RAB3GAP2: variants seen among roughly 807,000 people sequenced by gnomAD.
RAB3GAP2 encodes the protein RAB3 GTPase activating non-catalytic protein subunit 2, also known as rab3 GTPase-activating protein non-catalytic subunit.
Under a neutral mutation model 185.3 loss-of-function variants are expected in RAB3GAP2, and 87 were observed. That is an observed-to-expected ratio of 0.47 (90% CI 0.39 to 0.56). The LOEUF (loss-of-function observed/expected upper bound fraction) is 0.56. RAB3GAP2 is among the 20% of genes least tolerant of loss of function. The pLI is 0.00. For missense variants in RAB3GAP2, 1,492 were observed against 1,638.2 expected, an observed-to-expected ratio of 0.91 and a Z score of 1.54; for synonymous variants, 554 against 576.1, an observed-to-expected ratio of 0.96 and a Z score of 0.55.
intron 1 of RAB3GAP2, chr1:220,271,345 AAAAATAAAATAAAATAAAAT>A (rs145194826): frequency 6.6e-6 from 1 of 150,884 alleles, no homozygotes; most frequent in Admixed American, 6.6e-5. Flanking sequence ...TTGGAAATGC[AAAAATAAAATAAAATAAAAT>A]AAAATAAAAT....
rs1657692207 is a variant in RAB3GAP2, at chr1:220,149,184, A to AAAT, written c.*2064_*2066dup. 6.6e-6 allele frequency: 1 copy of AAAT among 152,160 alleles called. No homozygotes were observed. Among genetic ancestry groups the AAAT allele is most frequent in the Non-Finnish European group, 1.5e-5 (1 of 68,026 alleles). 9.4% of individuals were successfully genotyped at this position (152,160 alleles called of 1,614,324 possible). On this transcript the variant is annotated 3_prime_UTR_variant, in exon 35 of 35. Transcript: ENST00000358951. Reference sequence around the variant, plus strand: ...TTTTAAAAGCCCTTGATAAGTAGTAAAATATTTAACTGCTTTTCTTAACCA... The same window carrying AAAT: ...TTTTAAAAGCCCTTGATAAGTAGTAAAATAATATTTAACTGCTTTTCTTAACCA...
At chr1:220,168,237 C>T (rs1054778295) in intron 24 of RAB3GAP2, among the ~76,000 whole-genome samples, 3 of 151,938 alleles carry the variant, frequency 2.0e-5, no homozygotes, top group East Asian at 1.9e-4. Context: ...AGATTACAGG[C>T]GCCCACCACA....
chr1:220,252,184 A>G (rs1659946797), intron 1 of RAB3GAP2, among the ~76,000 whole-genome samples: 1 of 151,228 alleles, frequency 6.6e-6, no homozygotes, highest in Admixed American at 6.6e-5. Flanking sequence ...AAAATGAAGA[A>G]AAAAAACAAG....
intron 32 of RAB3GAP2, 56 bp downstream of exon 32, chr1:220,153,912 T>C (rs1443125429): frequency 2.1e-5 from 33 of 1,605,870 alleles, no homozygotes; most frequent in Non-Finnish European, 2.7e-5. Context: ...GCTAGATTTT[T>C]CCCTTATGTT....
intron 1 of RAB3GAP2, among the ~76,000 whole-genome samples, chr1:220,270,339 A>G (rs1255703102): frequency 2.0e-5 from 3 of 152,168 alleles, no homozygotes; most frequent in African/African-American, 4.8e-5. Context: ...AATCCTTGAG[A>G]CTGAACTGAC....
At chr1:220,153,433 A>T in intron 32 of RAB3GAP2, 27 bp from the exon 33 acceptor site, 1 of 1,580,194 alleles carries the variant, frequency 6.3e-7, no homozygotes, top group South Asian at 1.1e-5. Flanking sequence ...GAGATAGAGC[A>T]ATGCATTGTT....
Position 220,196,301 on chromosome 1 carries a change from C to A in RAB3GAP2, c.909G>T (p.Gln303His), listed in dbSNP as rs766462154. The change falls in exon 10 of 35, where the codon CAG becomes CAT. Residue 303 changes from glutamine (Q) to histidine (H), a missense_variant. Around this residue, in one of 5 missense-constraint regions of RAB3GAP2, gnomAD observed 243 missense variants for 314.8 expected, o/e 0.77. Coordinates refer to ENST00000358951, the MANE Select transcript of RAB3GAP2 (RefSeq NM_012414.4). The stretch of plus-strand genomic sequence containing the variant: ...ATGGATTGGACCCTACAGTGATATA[C>A]TGAGACATGGCAGGTGGACTATTTT... ...AIKNSPPAMS[Q>H]YITVGSNPFT... 1 of 1,612,794 alleles carries A rather than the reference C, an allele frequency of 6.2e-7. No individual in the cohort carries two copies. Among genetic ancestry groups the A allele is most frequent in the Non-Finnish European group, 8.5e-7 (1 of 1,178,976 alleles).
chr1:220,193,514 AGTT>A, intron 12 of RAB3GAP2, 135 bp from the exon 13 acceptor site: 1 of 856,358 alleles, frequency 1.2e-6, no homozygotes, highest in Non-Finnish European at 1.8e-6. Context: ...CTGGATTAAT[AGTT>A]AATTTATTAA....
intron 1 of RAB3GAP2, 114 bp downstream of exon 1, chr1:220,272,109 A>G (rs936321876): frequency 5.3e-5 from 47 of 892,262 alleles, no homozygotes; most frequent in Non-Finnish European, 8.4e-5. Flanking sequence ...CACGGGGAGA[A>G]CTGGGGGTCC....
chr1:220,201,751 C>T (rs1308052448), intron 9 of RAB3GAP2, among the ~76,000 whole-genome samples: 8 of 152,102 alleles, frequency 5.3e-5, no homozygotes, highest in African/African-American at 1.4e-4. Context: ...CCACCCACCT[C>T]GGCCTCCCAA....
At chr1:220,263,128 C>G (rs1252162567) in intron 1 of RAB3GAP2, among the ~76,000 whole-genome samples, 1 of 151,552 alleles carries the variant, frequency 6.6e-6, no homozygotes, top group Non-Finnish European at 1.5e-5. Flanking sequence ...GTCCTTTGCT[C>G]ATTTTAAATA....
In RAB3GAP2 at chr1:220,152,345, A is replaced by G. The variant is rs992485667; in HGVS notation, c.3868-581T>C. ...ACCCACCTTGGCCTCCCAAAGTGCT[A>G]GGATTACAGGCGTGAGCCACCACGC... is the stretch of plus-strand genomic sequence containing the variant. On this transcript the variant is annotated intron_variant, in intron 33 of 34. Transcript: ENST00000358951. 2.0e-5 allele frequency among the ~76,000 whole-genome samples: 3 copies of G among 151,908 alleles called. No homozygotes were observed. In the East Asian group the frequency reaches 5.8e-4, roughly 29 times the overall value.
Position 220,190,505 on chromosome 1 carries a change from G to C in RAB3GAP2, c.1503C>G (p.Gly501=), listed in dbSNP as rs1270473765. The C allele has an allele frequency of 6.2e-7, 1 of 1,601,678 alleles. No homozygotes were observed. Among genetic ancestry groups the C allele is most frequent in the Non-Finnish European group, 8.6e-7 (1 of 1,168,880 alleles). The change falls in exon 15 of 35, where the codon GGC becomes GGG. Residue 501 remains glycine (G), a synonymous_variant. Transcript: ENST00000358951. ...VGKHCRLLYP[G]YKIMGLNNVT... is the part of the protein sequence containing the mutation. ...CATTATTTAAACCCATTATTTTATA[G>C]CCAGGATACAGCAGCCTAAAGAAAT... is the stretch of plus-strand genomic sequence containing the variant.
chr1:220,168,054 A>C (rs1658105230), intron 24 of RAB3GAP2, among the ~76,000 whole-genome samples: 1 of 152,188 alleles, frequency 6.6e-6, no homozygotes, highest in African/African-American at 2.4e-5. Context: ...GGTTAGTATG[A>C]CATTTGTCTA....
intron 1 of RAB3GAP2, chr1:220,254,394 C>T (rs878943104): frequency 1.6e-5 from 25 of 1,612,720 alleles, no homozygotes; most frequent in Non-Finnish European, 1.9e-5. Context: ...CAATGTTGGC[C>T]TATACACCTC....
At chr1:220,263,977 T>C (rs1660186140) in intron 1 of RAB3GAP2, among the ~76,000 whole-genome samples, 1 of 152,050 alleles carries the variant, frequency 6.6e-6, no homozygotes. Flanking sequence ...AAAACTATTA[T>C]TACTTTTTAA....
rs1343166145 is a variant in RAB3GAP2, at chr1:220,154,047, G to A, written c.3566C>T (p.Ala1189Val). 2 of 1,613,120 alleles carry A rather than the reference G, an allele frequency of 1.2e-6. No homozygotes were observed. Among genetic ancestry groups the A allele is most frequent in the South Asian group, 1.1e-5 (1 of 91,050 alleles). ...AATTGAAGTTAGGTCTTTGAAAAAT[G>A]CATTTTTTCCCTAAAAAGAAAGAGA... ...LSLFDSKGKNAFFKDLTSIQL... is the reference protein window; with the variant it reads ...LSLFDSKGKNVFFKDLTSIQL... Residue 1189 changes from alanine to valine, a missense_variant, in exon 32 of 35, where the codon GCA becomes GTA. Physicochemically the swap from Ala to Val is moderately conservative, Grantham distance 64. Transcript: ENST00000358951.
chr1:220,202,220 T>G (rs185188780), intron 9 of RAB3GAP2, 56 bp downstream of exon 9: 3 of 1,562,922 alleles, frequency 1.9e-6, no homozygotes, highest in Non-Finnish European at 2.6e-6. Flanking sequence ...AATGAGATAC[T>G]TCAATAAAAA....
chr1:220,270,034 C>A (rs1037232992), intron 1 of RAB3GAP2, among the ~76,000 whole-genome samples: 7 of 152,170 alleles, frequency 4.6e-5, no homozygotes, highest in African/African-American at 1.7e-4. Context: ...TTTCTGCCTC[C>A]ACTATCCTAC....
Sources: gnomAD v4.1 joint callset for allele counts (sites outside exome capture counted in the v4.1 genomes callset) on GRCh38, gnomAD v4.1.1 for gene constraint, gnomAD v4.1.1 regional missense constraint, MANE v1.5 for transcripts, NCBI Gene and HGNC (gene_info 2026-07-23, HGNC 2026-07-21) for gene names.